The following TLE1 variants were observed in gnomAD, a reference collection of about 807,000 sequenced individuals.
TLE1 encodes the protein TLE family member 1, transcriptional corepressor, also known as transducin-like enhancer protein 1.
Under a neutral mutation model 89.8 loss-of-function variants are expected in TLE1, and 21 were observed. The observed-to-expected ratio is 0.23, with a 90% CI of 0.17 to 0.34. The LOEUF is 0.34. Among genes scored for constraint, TLE1 ranks in the 10% least tolerant of loss-of-function variants. The pLI is 1.00. For missense variants in TLE1, 795 were observed against 1,031.2 expected, an observed-to-expected ratio of 0.77 and a Z score of 3.14; for synonymous variants, 447 against 407.6, an observed-to-expected ratio of 1.10 and a Z score of -1.16.
At chr9:81,598,255 G>A (rs960563946) in intron 14 of TLE1, among the ~76,000 whole-genome samples, 1 of 152,066 alleles carries the variant, frequency 6.6e-6, no homozygotes, top group Non-Finnish European at 1.5e-5. Flanking sequence ...CAGGACAACA[G>A]GCCAGTCCCC....
intron 14 of TLE1, among the ~76,000 whole-genome samples, chr9:81,598,381 G>C (rs2777778): frequency 0.17 from 25,834 of 151,850 alleles, 2,714 homozygotes; most frequent in Non-Finnish European, 0.24. Context: ...TGCCTGCCAC[G>C]AACTCCCCAG....
chr9:81,679,307 T>G (rs1833304586), intron 4 of TLE1, among the ~76,000 whole-genome samples: 1 of 152,094 alleles, frequency 6.6e-6, no homozygotes, highest in Non-Finnish European at 1.5e-5. Context: ...TTCTTCACTT[T>G]TTTTTCTTTT....
intron 9 of TLE1, among the ~76,000 whole-genome samples, chr9:81,618,362 A>G (rs2132150407): frequency 6.6e-6 from 1 of 152,320 alleles, no homozygotes; most frequent in East Asian, 1.9e-4. Flanking sequence ...CTAGTCTAGA[A>G]AGTTTACCCT....
chr9:81,598,265 C>A (rs916054535), intron 14 of TLE1, among the ~76,000 whole-genome samples: 4 of 152,248 alleles, frequency 2.6e-5, no homozygotes, highest in African/African-American at 9.6e-5. Context: ...GGCCAGTCCC[C>A]TAAAATATCA....
chr9:81,626,671 C>T (rs1017753850), intron 8 of TLE1, among the ~76,000 whole-genome samples: 2 of 152,160 alleles, frequency 1.3e-5, no homozygotes, highest in Non-Finnish European at 2.9e-5. Context: ...GATTTTGCAA[C>T]TCATCACTGT....
chr9:81,617,350 A>G (rs1043301223), intron 9 of TLE1, among the ~76,000 whole-genome samples: 1 of 152,242 alleles, frequency 6.6e-6, no homozygotes, highest in Non-Finnish European at 1.5e-5. Context: ...TAAAGCTATC[A>G]TATTTACTAA....
chr9:81,667,736 C>T (rs1213712636), intron 4 of TLE1, among the ~76,000 whole-genome samples: 1 of 152,104 alleles, frequency 6.6e-6, no homozygotes, highest in African/African-American at 2.4e-5. Flanking sequence ...AGCTGAGTGG[C>T]TGGGGAGAGG....
chr9:81,670,927 G>T (rs1026660196), intron 4 of TLE1, among the ~76,000 whole-genome samples: 11 of 152,082 alleles, frequency 7.2e-5, no homozygotes, highest in Non-Finnish European at 1.6e-4. Context: ...CCAGCACTTT[G>T]GGAGGCCGAG....
In TLE1 at chr9:81,652,233, T is replaced by C; in HGVS notation, c.353A>G (p.Glu118Gly). The C allele has an allele frequency of 6.2e-7, 1 of 1,614,010 alleles. No individual in the cohort carries two copies. Among genetic ancestry groups the C allele is most frequent in the Non-Finnish European group, 8.5e-7 (1 of 1,179,986 alleles). ...VERAKQVTMA[E>G]LNAIIGQQQL... ...ACGTACCCCGATGATGGCATTCAAT[T>C]CTGCCATGGTCACCTGTTTGGCACG... Residue 118 changes from glutamate to glycine, a missense_variant, in exon 6 of 20, where the codon GAA becomes GGA. Glu to Gly is a moderately conservative substitution (Grantham distance 98). Around this residue, in one of 4 missense-constraint regions of TLE1, gnomAD observed 66 missense variants for 118.7 expected, o/e 0.56. Transcript: ENST00000376499.
chr9:81,634,143 C>G lies in TLE1; in HGVS notation c.531G>C (p.Leu177Phe). The G allele has an allele frequency of 2.5e-6, 4 of 1,607,726 alleles. No individual in the cohort carries two copies. The highest frequency in any genetic ancestry group is 1.3e-5 in the African/African-American group (1 of 75,004). ...GGTGCTTCTTGTCATCTTTTATTGC[C>G]AAGTGAGACTGCCCACTCAGAGCAC... The part of the protein sequence containing the change: ...LSSALSGQSH[L>F]AIKDDKKHHD... The change falls in exon 7 of 20, where the codon TTG becomes TTC. Residue 177 changes from leucine to phenylalanine, a missense_variant. Leu to Phe is a conservative substitution (Grantham distance 22). Around this residue, in one of 4 missense-constraint regions of TLE1, gnomAD observed 468 missense variants for 509.1 expected, o/e 0.92. Transcript: ENST00000376499.
Position 81,633,333 on chromosome 9 carries a change from CG to C in TLE1, c.594+14del. 6.2e-7 allele frequency: 1 copy of C among 1,601,548 alleles called. No homozygotes were observed. The highest frequency in any genetic ancestry group is 2.2e-5 in the East Asian group (1 of 44,794). On this transcript the variant is annotated intron_variant, in intron 8 of 19. Transcript: ENST00000376499. Reference sequence around the variant, plus strand: ...TGTGTGTGTGTGTGTGTGCAGCAGGCGTTTGAGTACTTACTGTGCCCGGCTC... The same window carrying C: ...TGTGTGTGTGTGTGTGTGCAGCAGGCTTTGAGTACTTACTGTGCCCGGCTC...
chr9:81,681,532 G>C (rs551075595), intron 4 of TLE1, among the ~76,000 whole-genome samples: 1 of 150,720 alleles, frequency 6.6e-6, no homozygotes, highest in Non-Finnish European at 1.5e-5. Context: ...CCTGGGTGAC[G>C]GAACGAGATT....
intron 4 of TLE1, among the ~76,000 whole-genome samples, chr9:81,655,002 G>A (rs1047765251): frequency 2.0e-5 from 3 of 152,138 alleles, no homozygotes; most frequent in East Asian, 3.9e-4. Flanking sequence ...AGACCTCACC[G>A]ACAGGGCCCA....
intron 4 of TLE1, among the ~76,000 whole-genome samples, chr9:81,678,632 T>G (rs1410479822): frequency 3.3e-5 from 5 of 151,916 alleles, no homozygotes; most frequent in Non-Finnish European, 7.4e-5. Context: ...CTGGCCAACA[T>G]GGCAAAACTC....
At chr9:81,682,398 A>G (rs1368422674) in intron 4 of TLE1, among the ~76,000 whole-genome samples, 3 of 152,140 alleles carry the variant, frequency 2.0e-5, no homozygotes, top group Admixed American at 6.5e-5. Flanking sequence ...CACCTACCCA[A>G]TCTACTCTGG....
intron 17 of TLE1, 31 bp from the exon 18 acceptor site, chr9:81,585,686 T>C (rs779588302): frequency 1.1e-5 from 18 of 1,610,490 alleles, no homozygotes; most frequent in Non-Finnish European, 1.4e-5. Flanking sequence ...TCACTCATTA[T>C]TCCGCCTGAT....
chr9:81,635,048 C>A (rs10867784), intron 6 of TLE1, among the ~76,000 whole-genome samples: 15,625 of 152,132 alleles, frequency 0.1, 807 homozygotes, highest in African/African-American at 0.11. Flanking sequence ...AAGGCACTGA[C>A]TAAATTGCTG....
At chr9:81,602,354 G>C (rs560989961) in intron 14 of TLE1, among the ~76,000 whole-genome samples, 2 of 152,290 alleles carry the variant, frequency 1.3e-5, no homozygotes, top group East Asian at 3.9e-4. Flanking sequence ...AGGACCAGAA[G>C]TGTTTCTGAT....
At chr9:81,687,474 C>A (rs1265886920) in intron 1 of TLE1, 40 bp from the exon 2 acceptor site, 1 of 1,495,942 alleles carries the variant, frequency 6.7e-7, no homozygotes, top group Non-Finnish European at 9.2e-7. Context: ...GACGGGAATG[C>A]GGGCGGATGA....
Sources: gnomAD v4.1 joint callset for allele counts (sites outside exome capture counted in the v4.1 genomes callset) on GRCh38, gnomAD v4.1.1 for gene constraint, gnomAD v4.1.1 regional missense constraint, MANE v1.5 for transcripts, NCBI Gene and HGNC (gene_info 2026-07-23, HGNC 2026-07-21) for gene names.